The following UBP1 variants were observed in gnomAD, a reference collection of about 807,000 sequenced individuals.
The protein encoded by UBP1 is upstream-binding protein 1.
UBP1 carries 22 observed loss-of-function variants against 76.1 expected under a neutral mutation model. The observed-to-expected ratio is 0.29, with a 90% confidence interval of 0.21 to 0.41. The LOEUF (loss-of-function observed/expected upper bound fraction) is 0.41. UBP1 is among the 10% of genes least tolerant of loss of function. The pLI, the probability that UBP1 is intolerant of heterozygous loss-of-function variation, is 1.00. For synonymous variants in UBP1, 224 were observed against 237.1 expected (o/e 0.94, Z 0.51); for missense variants, 436 against 668.1 (o/e 0.65, Z 3.83).
At chr3:33,429,502 G>GT (rs2045078356) in intron 1 of UBP1, among the ~76,000 whole-genome samples, 1 of 152,064 alleles carries the variant, frequency 6.6e-6, no homozygotes. Flanking sequence ...GCTAATGTTT[G>GT]TATTTTTAGT....
chr3:33,403,344 G>T lies in UBP1; in HGVS notation c.928-440C>A. ...GAAACATGGCTCTGACCTAGCTAGT[G>T]CTCCTTTTGCCCTCTTCCCTAATGA... On this transcript the variant is annotated intron_variant, in intron 8 of 15. Coordinates refer to ENST00000283629, the MANE Select transcript of UBP1 (RefSeq NM_014517.5). 2 of 226,320 alleles carry T rather than the reference G, an allele frequency of 8.8e-6. 1 individual carries two copies. The highest frequency in any genetic ancestry group is 1.1e-4 in the South Asian group (2 of 18,996). The allele number at this position is 226,320 out of a possible 1,614,324, so 14.0% of individuals were successfully genotyped here. A position where few individuals can be genotyped will look rare whatever the true frequency, so the allele number is the denominator to read the frequency against.
At chr3:33,439,632 A>C (rs2045257899) in intron 1 of UBP1, 104 bp downstream of exon 1, 2 of 1,265,012 alleles carry the variant, frequency 1.6e-6, no homozygotes, top group African/African-American at 1.5e-5. Context: ...GCAGCCCAGG[A>C]GGCCCGCGCA....
At chr3:33,420,622 G>A (rs2044865254) in intron 2 of UBP1, among the ~76,000 whole-genome samples, 1 of 151,948 alleles carries the variant, frequency 6.6e-6, no homozygotes, top group South Asian at 2.1e-4. Context: ...CTGAGTAGCT[G>A]GGACTACAGG....
rs768452160 is a variant in UBP1 at position 33,409,489 on chromosome 3, T to A, written c.668A>T (p.Asp223Val). ...FKQNENGEYT[D>V]HLHSASCQIK... ...TTGGCAGCTAGCTGAGTGTAGATGATCTGTGTATTCTCCATTTTCATTCTG... is the reference window on the plus strand; with the variant it reads ...TTGGCAGCTAGCTGAGTGTAGATGAACTGTGTATTCTCCATTTTCATTCTG... The change falls in exon 6 of 16, where the codon GAT becomes GTT. Residue 223 changes from aspartate to valine, a missense_variant. This residue lies in a region of UBP1 where 65 missense variants were observed against 157.4 expected (regional missense o/e 0.41). Coordinates refer to ENST00000283629, the MANE Select transcript of UBP1 (RefSeq NM_014517.5). 1.9e-6 allele frequency: 3 copies of A among 1,614,046 alleles called. No homozygotes were observed. In the Admixed American group the frequency reaches 5.0e-5, roughly 27 times the overall value.
intron 1 of UBP1, among the ~76,000 whole-genome samples, chr3:33,434,926 C>A (rs2045181474): frequency 6.6e-6 from 1 of 152,112 alleles, no homozygotes; most frequent in Admixed American, 6.5e-5. Context: ...ACCTCGTGAT[C>A]CGCCCACCTT....
chr3:33,415,763 A>C (rs28707687), intron 3 of UBP1, among the ~76,000 whole-genome samples: 3 of 151,994 alleles, frequency 2.0e-5, no homozygotes, highest in South Asian at 2.1e-4. Context: ...CAAAAAAAAA[A>C]ACACAGAACA....
chr3:33,392,606 C>A lies in UBP1; in HGVS notation c.1542G>T (p.Gln514His). The A allele has an allele frequency of 6.2e-7, 1 of 1,611,844 alleles. No homozygotes were observed. Residue 514 changes from glutamine (Q) to histidine (H), a missense_variant, in exon 15 of 16, where the codon CAG becomes CAT. Around this residue, in one of 3 missense-constraint regions of UBP1, gnomAD observed 210 missense variants for 272.8 expected, o/e 0.77. Transcript: ENST00000283629. The part of the protein sequence containing the change: ...IHILVSDQMV[Q>H]NFQDESCFLF... ...AAAAACAACTCTCATCTTGAAAATT[C>A]TGAACCATCTGGAAGGATAAAGTAA...
At chr3:33,418,674 C>T (rs2044796204) in intron 2 of UBP1, among the ~76,000 whole-genome samples, 1 of 151,690 alleles carries the variant, frequency 6.6e-6, no homozygotes, top group Non-Finnish European at 1.5e-5. Context: ...GCCTGACCAA[C>T]ATGGAGAAAC....
At chr3:33,420,837 G>A (rs2044871552) in intron 2 of UBP1, among the ~76,000 whole-genome samples, 1 of 152,134 alleles carries the variant, frequency 6.6e-6, no homozygotes, top group South Asian at 2.1e-4. Context: ...TGGCCAGGCT[G>A]TTATCGAACT....
chr3:33,411,710 A>C (rs1426849121), intron 4 of UBP1, 23 bp from the exon 5 acceptor site: 1 of 1,578,944 alleles, frequency 6.3e-7, no homozygotes, highest in South Asian at 1.1e-5. Flanking sequence ...AAGAAGTTAC[A>C]TAAAAACATC....
At chr3:33,428,369 A>C (rs2045056381) in intron 1 of UBP1, among the ~76,000 whole-genome samples, 1 of 152,150 alleles carries the variant, frequency 6.6e-6, no homozygotes, top group Non-Finnish European at 1.5e-5. Context: ...TTATACCGAA[A>C]AATAACACAG....
intron 2 of UBP1, among the ~76,000 whole-genome samples, chr3:33,421,274 C>A (rs531078934): frequency 2.0e-5 from 3 of 146,944 alleles, no homozygotes; most frequent in African/African-American, 7.5e-5. Context: ...CAGGGAAACA[C>A]AAACACAGGT....
intron 11 of UBP1, 143 bp from the exon 12 acceptor site, chr3:33,397,278 GACAA>G (rs1039391999): frequency 1.9e-5 from 10 of 540,246 alleles, no homozygotes; most frequent in African/African-American, 1.4e-4. Flanking sequence ...AATATAAGAA[GACAA>G]ACAGACACCT....
At chr3:33,420,858 G>A (rs2044872247) in intron 2 of UBP1, among the ~76,000 whole-genome samples, 1 of 152,110 alleles carries the variant, frequency 6.6e-6, no homozygotes, top group Non-Finnish European at 1.5e-5. Flanking sequence ...CCCAACCTCA[G>A]ATGATCCACC....
intron 1 of UBP1, among the ~76,000 whole-genome samples, chr3:33,430,157 A>G (rs3732390): frequency 0.27 from 41,134 of 151,908 alleles, 6,346 homozygotes; most frequent in East Asian, 0.47. Flanking sequence ...AACAAGATAA[A>G]GAAACAGGCT....
chr3:33,393,243 A>G (rs949884049), intron 14 of UBP1, 69 bp downstream of exon 14: 3 of 1,428,116 alleles, frequency 2.1e-6, no homozygotes, highest in Non-Finnish European at 2.8e-6. Context: ...GAATTTTTCT[A>G]CAGTTCTACA....
intron 3 of UBP1, among the ~76,000 whole-genome samples, chr3:33,413,354 T>C (rs896672451): frequency 4.0e-5 from 6 of 151,460 alleles, no homozygotes; most frequent in African/African-American, 1.5e-4. Flanking sequence ...GGGACCATCC[T>C]GGCTAACACG....
At position 33,390,319 on chromosome 3, in the gene UBP1, C is replaced by G. The variant is rs2043706535; in HGVS notation, c.*12G>C. On this transcript the variant is annotated 3_prime_UTR_variant, in exon 16 of 16. Coordinates refer to ENST00000283629, the MANE Select transcript of UBP1 (RefSeq NM_014517.5). Reference sequence around the variant, plus strand: ...TATTTGGTACTGAATACAGTTCAGTCTATATAAGACATCACTTCAAAATTA... The same window carrying G: ...TATTTGGTACTGAATACAGTTCAGTGTATATAAGACATCACTTCAAAATTA... The G allele has an allele frequency of 6.2e-7, 1 of 1,613,364 alleles. No individual in the cohort carries two copies. Among genetic ancestry groups the G allele is most frequent in the Non-Finnish European group, 8.5e-7 (1 of 1,179,436 alleles).
chr3:33,433,369 A>ATT (rs1559694067), intron 1 of UBP1, among the ~76,000 whole-genome samples: 7 of 142,270 alleles, frequency 4.9e-5, no homozygotes, highest in East Asian at 4.2e-4. Context: ...AGCCTTTAAA[A>ATT]AAAAAAAAAA....
Sources: allele counts gnomAD v4.1 joint callset (sites outside exome capture counted in the v4.1 genomes callset), GRCh38; gene constraint gnomAD v4.1.1; regional missense constraint gnomAD v4.1.1; transcripts MANE v1.5; gene names NCBI Gene and HGNC (gene_info 2026-07-23, HGNC 2026-07-21).